NRXN1: variants seen among roughly 807,000 people sequenced by gnomAD.
The protein encoded by NRXN1 is neurexin-1.
A neutral mutation model predicts 150.9 loss-of-function variants in NRXN1; 39 were observed. That is an observed-to-expected ratio of 0.26 (90% CI 0.20 to 0.34). NRXN1 has a LOEUF of 0.34. NRXN1 is among the 10% of genes least tolerant of loss of function. NRXN1 has a pLI of 1.00. For missense variants in NRXN1, 1,815 were observed against 1,949.9 expected (o/e 0.93, Z 1.30); for synonymous variants, 924 against 757.0 (o/e 1.22, Z -3.62).
intron 17 of NRXN1, among the ~76,000 whole-genome samples, chr2:50,447,636 C>T (rs1470488694): frequency 6.9e-6 from 1 of 145,238 alleles, no homozygotes; most frequent in African/African-American, 2.6e-5. Flanking sequence ...AATCAGAAAT[C>T]TCACTTGGTT....
At chr2:50,444,298 G>A (rs767649650) in intron 17 of NRXN1, among the ~76,000 whole-genome samples, 17 of 152,136 alleles carry the variant, frequency 1.1e-4, no homozygotes, top group Non-Finnish European at 2.1e-4. Flanking sequence ...AACAGTGTGG[G>A]ACAGAGCTGC....
chr2:50,522,945 G>T (rs1184857615), intron 12 of NRXN1, among the ~76,000 whole-genome samples: 1 of 151,344 alleles, frequency 6.6e-6, no homozygotes, highest in African/African-American at 2.4e-5. Context: ...TGCTGGTCAG[G>T]CTGGTCCTAG....
At chr2:50,195,078 C>G (rs1217905537) in intron 18 of NRXN1, among the ~76,000 whole-genome samples, 1 of 152,124 alleles carries the variant, frequency 6.6e-6, no homozygotes, top group Non-Finnish European at 1.5e-5. Context: ...CTGTGGTAGT[C>G]TTTTACACTT....
chr2:50,977,169 A>G (rs966561133), intron 2 of NRXN1, among the ~76,000 whole-genome samples: 5 of 151,984 alleles, frequency 3.3e-5, no homozygotes, highest in African/African-American at 9.7e-5. Context: ...TTAAAATACC[A>G]CATATAAAAA....
chr2:50,782,856 G>C (rs1366708486), intron 5 of NRXN1, among the ~76,000 whole-genome samples: 1 of 152,164 alleles, frequency 6.6e-6, no homozygotes, highest in Non-Finnish European at 1.5e-5. Context: ...TGAACAAAGA[G>C]AGAGAAAGAC....
intron 17 of NRXN1, among the ~76,000 whole-genome samples, chr2:50,300,791 G>C (rs759043368): frequency 3.3e-5 from 5 of 152,112 alleles, no homozygotes; most frequent in African/African-American, 7.2e-5. Flanking sequence ...CGCCTCCCAG[G>C]TTCTAGCGAT....
intron 5 of NRXN1, among the ~76,000 whole-genome samples, chr2:50,873,539 T>C (rs1033261339): frequency 6.6e-6 from 1 of 151,826 alleles, no homozygotes; most frequent in African/African-American, 2.4e-5. Flanking sequence ...AGCAGCAGAG[T>C]ACTTAGGTTC....
chr2:50,140,220 T>C (rs1707067362), intron 18 of NRXN1, among the ~76,000 whole-genome samples: 1 of 152,186 alleles, frequency 6.6e-6, no homozygotes, highest in Non-Finnish European at 1.5e-5. Context: ...TTTATATCAG[T>C]GAAGGCAGAC....
Position 50,354,976 on chromosome 2 carries a change from T to G in NRXN1, c.3364+110466A>C, listed in dbSNP as rs2078690728. ...ACTCTAAGGCAATTTAGGGTAATATTAAGACTAAAGCATAATTTCCAAATT... is the reference window on the plus strand; with the variant it reads ...ACTCTAAGGCAATTTAGGGTAATATGAAGACTAAAGCATAATTTCCAAATT... On this transcript the variant is annotated intron_variant, in intron 17 of 22. Coordinates refer to ENST00000401669, the MANE Select transcript of NRXN1 (RefSeq NM_001330078.2). Among the ~76,000 whole-genome samples, 5 of 152,122 alleles carry G rather than the reference T, an allele frequency of 3.3e-5. No individual in the cohort carries two copies. The South Asian group carries it at 1.0e-3, about 32-fold the overall frequency.
intron 17 of NRXN1, among the ~76,000 whole-genome samples, chr2:50,460,009 GCTAT>G (rs368558124): frequency 7.9e-4 from 120 of 152,096 alleles, no homozygotes; most frequent in African/African-American, 2.6e-3. Flanking sequence ...TTCAGATGAG[GCTAT>G]CTATTTGAAT....
At chr2:50,212,479 C>G (rs1305431588) in intron 18 of NRXN1, among the ~76,000 whole-genome samples, 3 of 150,776 alleles carry the variant, frequency 2.0e-5, no homozygotes, top group Non-Finnish European at 4.4e-5. Context: ...TTTTTTTTCT[C>G]TCTTCTATAC....
chr2:50,426,035 G>C (rs115723949), intron 17 of NRXN1, among the ~76,000 whole-genome samples: 1 of 152,110 alleles, frequency 6.6e-6, no homozygotes, highest in Non-Finnish European at 1.5e-5. Context: ...CTTTCAAAAG[G>C]TAACTACTTG....
chr2:50,480,013 T>C (rs2090340468), intron 15 of NRXN1, among the ~76,000 whole-genome samples: 2 of 152,086 alleles, frequency 1.3e-5, no homozygotes, highest in South Asian at 4.1e-4. Context: ...ACCTCAGATA[T>C]CCGCCCGCCT....
intron 8 of NRXN1, chr2:50,615,216 T>C (rs1678874316): frequency 6.6e-6 from 1 of 152,180 alleles, no homozygotes; most frequent in African/African-American, 2.4e-5. Context: ...TTTCTCTCTC[T>C]CTAGAATACT....
At chr2:50,099,511 T>G (rs776269407) in intron 18 of NRXN1, among the ~76,000 whole-genome samples, 5 of 152,186 alleles carry the variant, frequency 3.3e-5, no homozygotes, top group Non-Finnish European at 7.3e-5. Context: ...CAATTTTCTT[T>G]TGATGAGATA....
At chr2:50,680,708 C>A (rs1193099806) in intron 5 of NRXN1, among the ~76,000 whole-genome samples, 1 of 150,302 alleles carries the variant, frequency 6.7e-6, no homozygotes, top group East Asian at 2.0e-4. Context: ...TGGTTTGCCA[C>A]AAGTAAACGA....
At chr2:50,014,874 C>T (rs896976521) in intron 21 of NRXN1, among the ~76,000 whole-genome samples, 1 of 152,106 alleles carries the variant, frequency 6.6e-6, no homozygotes, top group Non-Finnish European at 1.5e-5. Context: ...CTCGTTTGAA[C>T]TGATATATGA....
At chr2:50,214,090 G>A (rs772949464) in intron 18 of NRXN1, among the ~76,000 whole-genome samples, 6 of 151,836 alleles carry the variant, frequency 4.0e-5, no homozygotes, top group Non-Finnish European at 5.9e-5. Flanking sequence ...TTATGTTCTT[G>A]GATTTGATAC....
At chr2:50,594,659 G>GT (rs1252977451) in intron 8 of NRXN1, among the ~76,000 whole-genome samples, 2 of 152,166 alleles carry the variant, frequency 1.3e-5, no homozygotes, top group African/African-American at 4.8e-5. Context: ...GTATAAATGT[G>GT]TTGTGTGCTA....
Sources: allele counts gnomAD v4.1 joint callset (sites outside exome capture counted in the v4.1 genomes callset), GRCh38; gene constraint gnomAD v4.1.1; transcripts MANE v1.5; gene names NCBI Gene and HGNC (gene_info 2026-07-23, HGNC 2026-07-21).